DST: variants seen among roughly 807,000 people sequenced by gnomAD.
The protein encoded by DST is dystonin, also known as bullous pemphigoid antigen.
In DST, 253 loss-of-function variants were observed where a neutral mutation model predicts 875.2. That is an observed-to-expected ratio of 0.29 (90% CI 0.26 to 0.32). DST has a LOEUF of 0.32. Among genes scored for constraint, DST ranks in the 10% least tolerant of loss-of-function variants. The pLI is 1.00. For synonymous variants in DST, 3,124 were observed against 3,197.1 expected (o/e 0.98, Z 0.77); for missense variants, 8,287 against 9,111.6 (o/e 0.91, Z 3.68).
At chr6:56,481,655 T>C (rs895968888) in intron 90 of DST, among the ~76,000 whole-genome samples, 1 of 152,212 alleles carries the variant, frequency 6.6e-6, no homozygotes, top group Non-Finnish European at 1.5e-5. Flanking sequence ...AATTACTAAT[T>C]TACAATCCTA....
rs375757695 is a variant in DST, at chr6:56,562,096, T to C, written c.14068+42A>G. 17 of 1,288,862 alleles carry C rather than the reference T, an allele frequency of 1.3e-5. No homozygotes were observed. In the East Asian group the frequency reaches 1.9e-4, roughly 14 times the overall value. 79.8% of individuals were successfully genotyped at this position (1,288,862 alleles called of 1,614,324 possible). On this transcript the variant is annotated intron_variant, in intron 56 of 103. Coordinates refer to ENST00000680361, the MANE Select transcript of DST (RefSeq NM_001374736.1). ...AAGATTTTCTCTTATTAAAAAAACA[T>C]CAAATTACATTAATCAGTAACAAAT...
intron 3 of DST, among the ~76,000 whole-genome samples, chr6:56,857,553 TA>T (rs1256902099): frequency 6.6e-6 from 1 of 152,186 alleles, no homozygotes. Flanking sequence ...CAGAAAAATA[TA>T]AAAGAAATTC....
intron 4 of DST, among the ~76,000 whole-genome samples, chr6:56,800,806 C>G (rs2099745737): frequency 1.3e-5 from 2 of 152,030 alleles, no homozygotes; most frequent in Non-Finnish European, 2.9e-5. Context: ...ACTGCTTGAG[C>G]CCAGGAGTTC....
intron 2 of DST, among the ~76,000 whole-genome samples, chr6:56,916,225 G>A (rs551135368): frequency 2.0e-5 from 3 of 152,302 alleles, no homozygotes; most frequent in Non-Finnish European, 2.9e-5. Flanking sequence ...GACACTAGGT[G>A]ATTAGTTCAA....
At chr6:56,556,406 T>C (rs2097419180) in intron 59 of DST, among the ~76,000 whole-genome samples, 1 of 152,172 alleles carries the variant, frequency 6.6e-6, no homozygotes, top group East Asian at 1.9e-4. Flanking sequence ...AAATTAATGA[T>C]CCAAAAATCT....
rs574606327 is a variant in DST at position 56,711,862 on chromosome 6, C to T, written c.688-7493G>A. On this transcript the variant is annotated intron_variant, in intron 5 of 103. Coordinates refer to ENST00000680361, the MANE Select transcript of DST (RefSeq NM_001374736.1). The stretch of plus-strand genomic sequence containing the variant: ...ATCCCAGCACTTTGGGAGGCCGAGG[C>T]GGGCGGATCACGAGGTCAGGAGATC... 2.4e-3 allele frequency among the ~76,000 whole-genome samples: 364 copies of T among 151,804 alleles called. 1 individual carries two copies. Among genetic ancestry groups the T allele is most frequent in the African/African-American group, 8.4e-3 (347 of 41,414 alleles).
At chr6:56,817,569 G>C (rs1029374160) in intron 4 of DST, among the ~76,000 whole-genome samples, 23 of 152,074 alleles carry the variant, frequency 1.5e-4, no homozygotes, top group Admixed American at 1.4e-3. Flanking sequence ...TATTTCCTTT[G>C]AGTATTTCTC....
chr6:56,813,394 A>T (rs1315534487), intron 4 of DST, among the ~76,000 whole-genome samples: 3 of 112,224 alleles, frequency 2.7e-5, no homozygotes, highest in Non-Finnish European at 4.4e-5. Context: ...TAATAATAAA[A>T]AAAAAAATAA....
chr6:56,522,652 T>C (rs2096728380), intron 69 of DST, among the ~76,000 whole-genome samples: 1 of 152,144 alleles, frequency 6.6e-6, no homozygotes, highest in Admixed American at 6.6e-5. Context: ...TGATTCCTAA[T>C]GACCCAATGA....
chr6:56,628,042 G>A lies in DST; in HGVS notation c.4595C>T (p.Pro1532Leu). ...TTQRKIQENQPENSKTLATQL... is the reference protein window; with the variant it reads ...TTQRKIQENQLENSKTLATQL... The stretch of plus-strand genomic sequence containing the variant: ...TGTGGCTAGGGTTTTACTATTTTCA[G>A]GCTGATTTTCCTGAATCTTTCTCTG... Residue 1532 changes from proline (P) to leucine (L), a missense_variant, in exon 33 of 104, where the codon CCT (proline) becomes CTT (leucine). This residue lies in a region of DST where 3,138 missense variants were observed against 3,116.6 expected (regional missense o/e 1.01). Coordinates refer to ENST00000680361, the MANE Select transcript of DST (RefSeq NM_001374736.1). The A allele has an allele frequency of 1.2e-6, 2 of 1,613,802 alleles. No homozygotes were observed. Among genetic ancestry groups the A allele is most frequent in the South Asian group, 2.2e-5 (2 of 91,070 alleles).
intron 5 of DST, among the ~76,000 whole-genome samples, chr6:56,709,634 CTATT>C (rs1268283881): frequency 6.6e-6 from 1 of 152,170 alleles, no homozygotes; most frequent in Non-Finnish European, 1.5e-5. Context: ...AGGTCACAAA[CTATT>C]TATTGAGCAT....
At chr6:56,752,618 T>C (rs76209923) in intron 4 of DST, among the ~76,000 whole-genome samples, 4,960 of 152,222 alleles carry the variant, frequency 0.033, 230 homozygotes, top group African/African-American at 0.11. Flanking sequence ...CATAATACAT[T>C]TGGGACTCAT....
At chr6:56,638,641 G>A (rs2098847583) in intron 22 of DST, among the ~76,000 whole-genome samples, 1 of 152,102 alleles carries the variant, frequency 6.6e-6, no homozygotes, top group African/African-American at 2.4e-5. Flanking sequence ...TTAAAACATT[G>A]TCCCAACTGC....
chr6:56,681,032 AG>A (rs2099154702), intron 9 of DST, among the ~76,000 whole-genome samples: 1 of 152,236 alleles, frequency 6.6e-6, no homozygotes, highest in Non-Finnish European at 1.5e-5. Flanking sequence ...AATTACTAAT[AG>A]GTAGAAGTCA....
Position 56,719,450 on chromosome 6 carries a change from G to C in DST, c.688-15081C>G, listed in dbSNP as rs568718075. Among the ~76,000 whole-genome samples, 3 of 152,332 alleles carry C rather than the reference G, an allele frequency of 2.0e-5. No individual in the cohort carries two copies. In the East Asian group the frequency reaches 5.8e-4, roughly 29 times the overall value. The stretch of plus-strand genomic sequence containing the variant: ...GTCATGTGCAAAAGGTTACCAAGTG[G>C]TCTAGTTAGGAAACAGATTAATCTG... On this transcript the variant is annotated intron_variant, in intron 5 of 103. Transcript: ENST00000680361.
chr6:56,750,549 A>C (rs1176370572), intron 4 of DST, among the ~76,000 whole-genome samples: 1 of 152,198 alleles, frequency 6.6e-6, no homozygotes, highest in South Asian at 2.1e-4. Flanking sequence ...ATCTATCTTC[A>C]TGAGAAAGTA....
At chr6:56,459,381 A>T in intron 103 of DST, 114 bp from the exon 104 acceptor site, 1 of 1,070,646 alleles carries the variant, frequency 9.3e-7, no homozygotes, top group Admixed American at 2.8e-5. Flanking sequence ...TGTAGTAGGC[A>T]CTCAGAAAAC....
chr6:56,652,935 T>C (rs2098984560), intron 10 of DST, among the ~76,000 whole-genome samples: 1 of 152,226 alleles, frequency 6.6e-6, no homozygotes, highest in South Asian at 2.1e-4. Flanking sequence ...ACCTCAAGAT[T>C]AGTAAACAGG....
intron 5 of DST, among the ~76,000 whole-genome samples, chr6:56,734,183 T>C (rs2099514543): frequency 6.6e-6 from 1 of 152,244 alleles, no homozygotes; most frequent in Non-Finnish European, 1.5e-5. Context: ...TTCAACCTTT[T>C]ATCGCTTGTG....
Sources: gnomAD v4.1 joint callset for allele counts (sites outside exome capture counted in the v4.1 genomes callset) on GRCh38, gnomAD v4.1.1 for gene constraint, gnomAD v4.1.1 regional missense constraint, MANE v1.5 for transcripts, NCBI Gene and HGNC (gene_info 2026-07-23, HGNC 2026-07-21) for gene names.